The following ANK2 variants were observed in gnomAD, a reference collection of about 807,000 sequenced individuals.
ANK2 encodes ankyrin-2.
A neutral mutation model predicts 360.5 loss-of-function variants in ANK2; 83 were observed. The observed-to-expected ratio is 0.23, with a 90% CI of 0.19 to 0.28. The LOEUF is 0.28. Among genes scored for constraint, ANK2 ranks in the 10% least tolerant of loss-of-function variants. ANK2 has a pLI of 1.00. For missense variants in ANK2, 4,201 were observed against 4,795.7 expected (o/e 0.88, Z 3.66); for synonymous variants, 1,740 against 1,759.5 (o/e 0.99, Z 0.28).
At chr4:113,361,823 T>C (rs1354227212) in intron 39 of ANK2, among the ~76,000 whole-genome samples, 1 of 152,058 alleles carries the variant, frequency 6.6e-6, no homozygotes, top group Non-Finnish European at 1.5e-5. Flanking sequence ...ACATTCAGAA[T>C]TATTTATTTT....
intron 37 of ANK2, among the ~76,000 whole-genome samples, chr4:113,352,022 C>A (rs1360585490): frequency 1.3e-5 from 2 of 152,210 alleles, no homozygotes; most frequent in Non-Finnish European, 2.9e-5. Flanking sequence ...CCACCTTCAG[C>A]AGCTTATGCA....
In ANK2 at chr4:113,357,971, A is replaced by C; in HGVS notation, c.9353A>C (p.Asp3118Ala). 1 of 1,614,066 alleles carries C rather than the reference A, an allele frequency of 6.2e-7. No individual in the cohort carries two copies. The highest frequency in any genetic ancestry group is 8.5e-7 in the Non-Finnish European group (1 of 1,179,982). ...GAAATGACCCGAAGTGGTGCCATTG[A>C]TATGACCAAAAGGTCCTATGCAGAT... Reference protein sequence around the residue: ...LFEMTRSGAIDMTKRSYADES... With the variant: ...LFEMTRSGAIAMTKRSYADES... The change falls in exon 38 of 46, where the codon GAT becomes GCT. Residue 3118 changes from aspartate to alanine, a missense_variant. Asp to Ala is a moderately radical substitution (Grantham distance 126). Around this residue, in one of 4 missense-constraint regions of ANK2, gnomAD observed 2,642 missense variants for 2,714.5 expected, o/e 0.97. Transcript: ENST00000357077.
At chr4:113,109,858 G>T (rs1284111714) in intron 1 of ANK2, among the ~76,000 whole-genome samples, 5 of 152,088 alleles carry the variant, frequency 3.3e-5, no homozygotes. Flanking sequence ...TTAGTGTTTT[G>T]GTTGTTGATG....
chr4:113,031,361 C>G (rs2060357044), intron 2 of ANK2: 2 of 151,692 alleles, frequency 1.3e-5, no homozygotes, highest in Non-Finnish European at 2.9e-5. Context: ...TTCATCTTGC[C>G]TTGGATCTAT....
chr4:113,331,876 C>T, intron 27 of ANK2, 96 bp from the exon 28 acceptor site: 3 of 1,142,154 alleles, frequency 2.6e-6, no homozygotes, highest in Non-Finnish European at 4.0e-6. Flanking sequence ...CCAAAGTTCA[C>T]CCTGTGGATC....
chr4:113,133,464 T>C (rs2096197261), intron 1 of ANK2, among the ~76,000 whole-genome samples: 1 of 152,130 alleles, frequency 6.6e-6, no homozygotes, highest in Non-Finnish European at 1.5e-5. Flanking sequence ...GATTTTCCCC[T>C]CAAATTTCAT....
rs116006361 is a variant in ANK2, at chr4:112,928,832, T to C, written c.21+24318T>C. Among the ~76,000 whole-genome samples, 394 of 152,012 alleles carry C rather than the reference T, an allele frequency of 2.6e-3. 2 individuals are homozygous for C. Among genetic ancestry groups the C allele is most frequent in the African/African-American group, 9.2e-3 (382 of 41,480 alleles). On this transcript the variant is annotated intron_variant, in intron 2 of 30. Transcript: ENST00000503271. ...TTGTAGAAAATACATTTCTTTTGTT[T>C]AACCCACTCATCCCGTCTTTAGGTT...
intron 1 of ANK2, among the ~76,000 whole-genome samples, chr4:113,147,119 G>T (rs538865725): frequency 6.6e-6 from 1 of 152,114 alleles, no homozygotes; most frequent in Non-Finnish European, 1.5e-5. Flanking sequence ...AAGCCCTGTC[G>T]TGAAAAAGAG....
Position 113,117,499 on chromosome 4 carries a change from C to T in ANK2, c.85-56917C>T, listed in dbSNP as rs59931914. 769 of 436,690 alleles carry T rather than the reference C, an allele frequency of 1.8e-3. 6 individuals are homozygous for T. The highest frequency in any genetic ancestry group is 0.014 in the African/African-American group (704 of 49,264). 27.1% of individuals were successfully genotyped at this position (436,690 alleles called of 1,614,324 possible). The stretch of plus-strand genomic sequence containing the variant: ...GCCTCAGAACTGGCAACTTCATCCT[C>T]CCTTCCTTCCATCATTCCCCTGCAC... On this transcript the variant is annotated intron_variant, in intron 1 of 45. Coordinates refer to ENST00000357077, the MANE Select transcript of ANK2 (RefSeq NM_001148.6).
At chr4:112,937,450 C>G (rs1233871126) in intron 2 of ANK2, among the ~76,000 whole-genome samples, 1 of 151,874 alleles carries the variant, frequency 6.6e-6, no homozygotes, top group Non-Finnish European at 1.5e-5. Context: ...GCTTCAGCCT[C>G]CTGAGTAGCT....
At chr4:113,006,196 A>G (rs2052782360) in intron 2 of ANK2, among the ~76,000 whole-genome samples, 1 of 152,172 alleles carries the variant, frequency 6.6e-6, no homozygotes, top group African/African-American at 2.4e-5. Flanking sequence ...AAAATGATAA[A>G]CAGTTGAGAA....
the ANK2 span, among the ~76,000 whole-genome samples, chr4:112,733,237 T>TAA: frequency 1.2e-3 from 188 of 151,620 alleles, 1 homozygote; most frequent in African/African-American, 4.5e-3. Context: ...TAATAATACA[T>TAA]AAAAAAAATA....
intron 2 of ANK2, among the ~76,000 whole-genome samples, chr4:112,936,726 C>G (rs1451796103): frequency 6.6e-6 from 1 of 152,000 alleles, no homozygotes; most frequent in African/African-American, 2.4e-5. Flanking sequence ...AGATGGAGGT[C>G]AATAATCTAC....
intron 31 of ANK2, among the ~76,000 whole-genome samples, chr4:113,338,104 G>A (rs954480250): frequency 2.6e-5 from 4 of 152,054 alleles, no homozygotes; most frequent in East Asian, 1.9e-4. Flanking sequence ...AGATATTTGA[G>A]TCTTTGTATT....
intron 1 of ANK2, among the ~76,000 whole-genome samples, chr4:113,070,742 T>C (rs2077251611): frequency 6.6e-6 from 1 of 152,148 alleles, no homozygotes; most frequent in Non-Finnish European, 1.5e-5. Context: ...TTCCCTTGTG[T>C]GACTTCCCTG....
chr4:113,381,633 C>T lies in ANK2; in HGVS notation c.*162C>T. The T allele has an allele frequency of 6.4e-7, 1 of 1,551,102 alleles. No individual in the cohort carries two copies. The highest frequency in any genetic ancestry group is 8.7e-7 in the Non-Finnish European group (1 of 1,148,158). ...TGCAAGGAGGACTTGAAGCAAGAGG[C>T]CAAGTGAGGGGCTGCCCAGTTCTCA... On this transcript the variant is annotated 3_prime_UTR_variant, in exon 46 of 46. Transcript: ENST00000357077.
chr4:113,365,382 A>C (rs989548813), intron 41 of ANK2, among the ~76,000 whole-genome samples, 200 bp downstream of exon 41: 1 of 151,684 alleles, frequency 6.6e-6, no homozygotes, highest in Non-Finnish European at 1.5e-5. Context: ...CCTCCGCTTC[A>C]TGCTCATTCT....
intron 4 of ANK2, among the ~76,000 whole-genome samples, chr4:113,199,468 A>G (rs2098798241): frequency 6.6e-6 from 1 of 152,156 alleles, no homozygotes; most frequent in Non-Finnish European, 1.5e-5. Context: ...AATTTAAAAT[A>G]TACTTGAAAG....
chr4:112,775,482 G>A, the ANK2 span, among the ~76,000 whole-genome samples: 1 of 134,568 alleles, frequency 7.4e-6, no homozygotes. Context: ...TTGGGCCGCC[G>A]CACTCCAGCC....
Sources: gnomAD v4.1 joint callset for allele counts (sites outside exome capture counted in the v4.1 genomes callset) on GRCh38, gnomAD v4.1.1 for gene constraint, gnomAD v4.1.1 regional missense constraint, MANE v1.5 for transcripts, NCBI Gene and HGNC (gene_info 2026-07-23, HGNC 2026-07-21) for gene names.